Variants in JAZF1 observed in about 807,000 individuals in gnomAD.
JAZF1 encodes juxtaposed with another zinc finger protein 1.
JAZF1 carries 8 observed loss-of-function variants against 26.4 expected under a neutral mutation model. The observed-to-expected ratio is 0.30, with a 90% CI of 0.18 to 0.55. JAZF1 has a LOEUF of 0.55. Ranked by LOEUF, JAZF1 falls within the 20% of genes least tolerant of loss-of-function variation. The pLI, the probability that JAZF1 is intolerant of heterozygous loss-of-function variation, is 0.94. For missense variants in JAZF1, 199 were observed against 322.0 expected (o/e 0.62, Z 2.92); for synonymous variants, 126 against 122.3 (o/e 1.03, Z -0.20).
At chr7:28,090,196 C>T (rs1025340137) in intron 1 of JAZF1, among the ~76,000 whole-genome samples, 2 of 152,226 alleles carry the variant, frequency 1.3e-5, no homozygotes, top group Non-Finnish European at 2.9e-5. Context: ...CCTCATCGGA[C>T]TATAGTGAAG....
intron 1 of JAZF1, among the ~76,000 whole-genome samples, chr7:28,107,993 A>G (rs1288603739): frequency 6.6e-6 from 1 of 152,182 alleles, no homozygotes. Context: ...CATCACGGCT[A>G]AAACAATGAG....
chr7:27,991,687 C>G (rs538215299), intron 2 of JAZF1, among the ~76,000 whole-genome samples: 40 of 152,280 alleles, frequency 2.6e-4, no homozygotes, highest in African/African-American at 9.1e-4. Flanking sequence ...CCAAAATGAG[C>G]TTATAAATCA....
chr7:28,017,349 A>AG (rs1360457855), intron 1 of JAZF1, among the ~76,000 whole-genome samples: 3 of 139,660 alleles, frequency 2.1e-5, no homozygotes, highest in Non-Finnish European at 3.0e-5. Flanking sequence ...ACTCTGTTTC[A>AG]GAAAAAAAAA....
intron 1 of JAZF1, among the ~76,000 whole-genome samples, chr7:27,999,639 A>T (rs1786092911): frequency 6.6e-6 from 1 of 152,196 alleles, no homozygotes; most frequent in Admixed American, 6.5e-5. Flanking sequence ...AATATGTCTT[A>T]TCAGCCCATT....
chr7:27,878,743 T>A (rs1295432977), intron 3 of JAZF1, among the ~76,000 whole-genome samples: 1 of 152,184 alleles, frequency 6.6e-6, no homozygotes, highest in Admixed American at 6.5e-5. Context: ...CTCCCAAGAA[T>A]TCTCATCTAA....
intron 2 of JAZF1, among the ~76,000 whole-genome samples, chr7:27,949,259 C>T (rs1359822518): frequency 1.3e-5 from 2 of 152,220 alleles, no homozygotes; most frequent in Non-Finnish European, 2.9e-5. Context: ...ACTGTCAACA[C>T]AACAATTCTG....
intron 3 of JAZF1, among the ~76,000 whole-genome samples, chr7:27,849,773 A>ACACACACACACACACACACACACATT (rs1187295731): frequency 8.8e-6 from 1 of 114,006 alleles, no homozygotes; most frequent in Non-Finnish European, 1.7e-5. Context: ...ACACACACAC[A>ACACACACACACACACACACACACATT]CCCCTACACC....
At chr7:27,952,516 C>T (rs141859226) in intron 2 of JAZF1, among the ~76,000 whole-genome samples, 2 of 152,326 alleles carry the variant, frequency 1.3e-5, no homozygotes, top group East Asian at 1.9e-4. Context: ...TACATTCTTT[C>T]GTAAGTCTCA....
At chr7:27,992,029 T>C in intron 1 of JAZF1, 48 bp from the exon 2 acceptor site, 1 of 1,076,780 alleles carries the variant, frequency 9.3e-7, no homozygotes, top group Non-Finnish European at 1.4e-6. Flanking sequence ...TGCATCAGAA[T>C]ATATGAGGCT....
At chr7:28,011,675 A>G (rs1266087492) in intron 1 of JAZF1, among the ~76,000 whole-genome samples, 3 of 152,206 alleles carry the variant, frequency 2.0e-5, no homozygotes, top group African/African-American at 7.2e-5. Context: ...AAAAAACAAC[A>G]TAGTGACCCA....
intron 1 of JAZF1, among the ~76,000 whole-genome samples, chr7:27,993,537 T>C (rs73683928): frequency 0.028 from 4,257 of 152,250 alleles, 198 homozygotes; most frequent in African/African-American, 0.098. Context: ...GAGGAGACAG[T>C]AGAACAATGT....
intron 2 of JAZF1, among the ~76,000 whole-genome samples, chr7:27,987,106 CT>C (rs1785734223): frequency 1.3e-5 from 2 of 152,042 alleles, no homozygotes; most frequent in African/African-American, 4.8e-5. Context: ...GCGTCTCTGC[CT>C]GGCCACCCAT....
At chr7:27,879,634 G>A (rs1028044635) in intron 3 of JAZF1, among the ~76,000 whole-genome samples, 2 of 152,084 alleles carry the variant, frequency 1.3e-5, no homozygotes, top group African/African-American at 4.8e-5. Context: ...TTAAAAGGGT[G>A]GGGCCTGCTC....
intron 1 of JAZF1, among the ~76,000 whole-genome samples, chr7:28,038,990 C>A (rs1783342895): frequency 6.6e-6 from 1 of 152,272 alleles, no homozygotes; most frequent in South Asian, 2.1e-4. Context: ...ATCTCTACAA[C>A]TTTAATGCTT....
chr7:27,874,780 C>T (rs893701211), intron 3 of JAZF1, among the ~76,000 whole-genome samples: 7 of 152,068 alleles, frequency 4.6e-5, no homozygotes, highest in Non-Finnish European at 8.8e-5. Context: ...GCTGGCTTGG[C>T]GTGGCACTGC....
At chr7:27,978,356 A>C (rs1376757413) in intron 2 of JAZF1, among the ~76,000 whole-genome samples, 1 of 152,200 alleles carries the variant, frequency 6.6e-6, no homozygotes, top group Non-Finnish European at 1.5e-5. Flanking sequence ...TGGGAAAAAC[A>C]GTGATAGTTT....
At chr7:28,171,004 C>A (rs1783461597) in intron 1 of JAZF1, among the ~76,000 whole-genome samples, 1 of 152,100 alleles carries the variant, frequency 6.6e-6, no homozygotes, top group South Asian at 2.1e-4. Flanking sequence ...ATCTCGGGAT[C>A]CCCCCAAATA....
chr7:27,860,078 T>C (rs1262782707), intron 3 of JAZF1, among the ~76,000 whole-genome samples: 4 of 152,174 alleles, frequency 2.6e-5, no homozygotes, highest in South Asian at 2.1e-4. Flanking sequence ...AAGAGGACCA[T>C]TGTTACTCAC....
chr7:27,934,970 TC>T (rs1784744952), intron 2 of JAZF1, among the ~76,000 whole-genome samples: 1 of 152,124 alleles, frequency 6.6e-6, no homozygotes, highest in African/African-American at 2.4e-5. Flanking sequence ...TGAACTTGTA[TC>T]CAGAATATAA....
Sources: allele counts gnomAD v4.1 joint callset (sites outside exome capture counted in the v4.1 genomes callset), GRCh38; gene constraint gnomAD v4.1.1; transcripts MANE v1.5; gene names NCBI Gene and HGNC (gene_info 2026-07-23, HGNC 2026-07-21).